The following L2HGDH variants were observed in gnomAD, a reference collection of about 807,000 sequenced individuals.
L2HGDH encodes the protein L-2-hydroxyglutarate dehydrogenase, mitochondrial.
L2HGDH carries 34 observed loss-of-function variants against 51.5 expected under a neutral mutation model. The ratio of observed to expected loss-of-function variants is 0.66; its 90% confidence interval spans 0.50 to 0.88. The LOEUF (loss-of-function observed/expected upper bound fraction) is 0.88. Ranked by LOEUF, L2HGDH falls within the 40% of genes least tolerant of loss-of-function variation. L2HGDH has a pLI of 0.00. For synonymous variants in L2HGDH, 198 were observed against 197.9 expected, an observed-to-expected ratio of 1.00 and a Z score of -0.01; for missense variants, 558 against 571.9, an observed-to-expected ratio of 0.98 and a Z score of 0.25.
chr14:50,285,104 G>A (rs1296463401), intron 4 of L2HGDH, among the ~76,000 whole-genome samples: 2 of 152,110 alleles, frequency 1.3e-5, no homozygotes, highest in East Asian at 1.9e-4. Flanking sequence ...AAAATTAGCC[G>A]AACGTGGTGG....
chr14:50,288,851 A>G, intron 4 of L2HGDH, among the ~76,000 whole-genome samples: 1 of 152,342 alleles, frequency 6.6e-6, no homozygotes, highest in South Asian at 2.1e-4. Context: ...AGCTCATCAG[A>G]GTGCCTTTTC....
chr14:50,286,317 ACCG>A (rs1890563496), intron 4 of L2HGDH, among the ~76,000 whole-genome samples: 1 of 152,188 alleles, frequency 6.6e-6, no homozygotes, highest in Non-Finnish European at 1.5e-5. Context: ...CTCTGGGCAT[ACCG>A]CTTATGGGGT....
At chr14:50,269,618 C>T (rs189500394) in intron 6 of L2HGDH, among the ~76,000 whole-genome samples, 1 of 152,280 alleles carries the variant, frequency 6.6e-6, no homozygotes, top group East Asian at 1.9e-4. Context: ...CACACAAATA[C>T]ATACATACAA....
chr14:50,248,845 G>A lies in L2HGDH; in HGVS notation c.1197-1592C>T, dbSNP rs1888165220. On this transcript the variant is annotated intron_variant, in intron 9 of 9. Coordinates refer to ENST00000267436, the MANE Select transcript of L2HGDH (RefSeq NM_024884.3). The stretch of plus-strand genomic sequence containing the variant: ...CACCGTCACAAGAACCAAAAATCAG[G>A]TGAGCAATCACAGTGGCTGGTTTTG... Among the ~76,000 whole-genome samples, 5 of 152,250 alleles carry A rather than the reference G, an allele frequency of 3.3e-5. No homozygotes were observed. The South Asian group carries it at 1.0e-3, about 32-fold the overall frequency.
chr14:50,281,847 T>TTG lies in L2HGDH; in HGVS notation c.703+2022_703+2023dup, dbSNP rs369007776. On this transcript the variant is annotated intron_variant, in intron 5 of 9. Coordinates refer to ENST00000267436, the MANE Select transcript of L2HGDH (RefSeq NM_024884.3). ...CATTTAGAGATACTTTTTATTTTTT[T>TTG]TGTGTGTGTGTGTGACGGAGTCTCG... 4.5e-4 allele frequency among the ~76,000 whole-genome samples: 68 copies of TTG among 151,648 alleles called. 1 individual carries two copies. Among genetic ancestry groups the TTG allele is most frequent in the Admixed American group, 3.0e-3 (46 of 15,220 alleles).
intron 9 of L2HGDH, among the ~76,000 whole-genome samples, chr14:50,259,985 CAGAGAG>C (rs34001223): frequency 1.3e-3 from 185 of 142,464 alleles, no homozygotes; most frequent in Middle Eastern, 3.5e-3. Context: ...GAGAAGAAGA[CAGAGAG>C]AGAGAGAGAG....
chr14:50,290,109 C>A lies in L2HGDH; in HGVS notation c.540+4006G>T, dbSNP rs1225934936. Among the ~76,000 whole-genome samples, 7 of 151,380 alleles carry A rather than the reference C, an allele frequency of 4.6e-5. No individual in the cohort carries two copies. In the East Asian group the frequency reaches 1.2e-3, roughly 25 times the overall value. On this transcript the variant is annotated intron_variant, in intron 4 of 9. Coordinates refer to ENST00000267436, the MANE Select transcript of L2HGDH (RefSeq NM_024884.3). Reference sequence around the variant, plus strand: ...TGAAACCCTGTCTCTACTAAAAATACAAAAAAAATTAGCCAGGTGTGGTGG... The same window carrying A: ...TGAAACCCTGTCTCTACTAAAAATAAAAAAAAAATTAGCCAGGTGTGGTGG...
At chr14:50,302,496 C>T (rs1450644875) in intron 2 of L2HGDH, among the ~76,000 whole-genome samples, 2 of 152,178 alleles carry the variant, frequency 1.3e-5, no homozygotes, top group Non-Finnish European at 2.9e-5. Context: ...TGCTCAACAT[C>T]ACTAGCGGCA....
At chr14:50,251,810 CCAGA>C (rs1413216517) in intron 9 of L2HGDH, among the ~76,000 whole-genome samples, 1 of 151,758 alleles carries the variant, frequency 6.6e-6, no homozygotes, top group East Asian at 1.9e-4. Context: ...AAATACTTTC[CCAGA>C]CAAAGTTGAG....
At chr14:50,271,133 G>A (rs1052566246) in intron 6 of L2HGDH, among the ~76,000 whole-genome samples, 4 of 152,174 alleles carry the variant, frequency 2.6e-5, no homozygotes, top group Non-Finnish European at 5.9e-5. Context: ...GACTATAGGC[G>A]TGAGCCACCG....
intron 8 of L2HGDH, among the ~76,000 whole-genome samples, chr14:50,266,143 C>T (rs1486218103): frequency 2.2e-5 from 3 of 136,926 alleles, no homozygotes; most frequent in Non-Finnish European, 4.7e-5. Context: ...AACTTTGACT[C>T]AAAAAAAAAA....
At chr14:50,273,436 C>G (rs552999882) in intron 6 of L2HGDH, among the ~76,000 whole-genome samples, 2 of 152,200 alleles carry the variant, frequency 1.3e-5, no homozygotes, top group Non-Finnish European at 2.9e-5. Context: ...TTTTTTACAC[C>G]ATTCACAAAA....
intron 4 of L2HGDH, chr14:50,293,249 G>GT (rs1476153499): frequency 7.1e-6 from 5 of 702,244 alleles, no homozygotes; most frequent in Non-Finnish European, 1.0e-5. Context: ...GAAAATAATG[G>GT]TTTTTTGATA....
intron 5 of L2HGDH, among the ~76,000 whole-genome samples, chr14:50,282,177 T>C (rs1890309278): frequency 6.6e-6 from 1 of 152,110 alleles, no homozygotes; most frequent in Non-Finnish European, 1.5e-5. Context: ...GGGGGCGTGA[T>C]GGTACCGGCA....
chr14:50,312,141 C>A lies in L2HGDH; in HGVS notation c.10G>T (p.Ala4Ser). The change falls in exon 1 of 10, where the codon GCG (alanine) becomes TCG (serine). Residue 4 changes from alanine to serine, a missense_variant. By Grantham distance (99) the Ala-to-Ser change is moderately conservative. Around this residue, in one of 3 missense-constraint regions of L2HGDH, gnomAD observed 194 missense variants for 187.2 expected, o/e 1.04. Coordinates refer to ENST00000267436, the MANE Select transcript of L2HGDH (RefSeq NM_024884.3). MVP[A>S]LRYLVGACGR... Reference sequence around the variant, plus strand: ...CAGGCACCAACCAAATAACGCAGCGCTGGCACCATCCCCTACGCACGCTCC... The same window carrying A: ...CAGGCACCAACCAAATAACGCAGCGATGGCACCATCCCCTACGCACGCTCC... 6.2e-7 allele frequency: 1 copy of A among 1,610,454 alleles called. No individual in the cohort carries two copies. The highest frequency in any genetic ancestry group is 1.1e-5 in the South Asian group (1 of 90,820).
At chr14:50,287,421 C>A (rs919544978) in intron 4 of L2HGDH, 2 of 513,724 alleles carry the variant, frequency 3.9e-6, no homozygotes, top group Non-Finnish European at 5.0e-6. Context: ...TCAAACTCTA[C>A]AATTAAATTA....
At chr14:50,284,302 A>G (rs1001915439) in intron 4 of L2HGDH, among the ~76,000 whole-genome samples, 18 of 152,168 alleles carry the variant, frequency 1.2e-4, no homozygotes, top group African/African-American at 4.1e-4. Context: ...AGTAGTATAT[A>G]CTATGTTGTC....
At position 50,311,207 on chromosome 14, in the gene L2HGDH, G is replaced by T. The variant is rs1052147526; in HGVS notation, c.140+804C>A. The T allele has an allele frequency of 2.3e-4, 89 of 388,664 alleles. 1 individual carries two copies. Among genetic ancestry groups the T allele is most frequent in the South Asian group, 1.7e-3 (87 of 52,496 alleles). The allele number at this position is 388,664 out of a possible 1,614,324, so 24.1% of individuals were successfully genotyped here. On this transcript the variant is annotated intron_variant, in intron 1 of 9. Coordinates refer to ENST00000267436, the MANE Select transcript of L2HGDH (RefSeq NM_024884.3). ...TCCGCCCGCCTCGGCCTCCTAAAGC[G>T]TAGCCTCTTCTTAAAACCCTTTTAA...
chr14:50,255,497 T>C (rs570175849), intron 9 of L2HGDH, among the ~76,000 whole-genome samples: 2 of 145,414 alleles, frequency 1.4e-5, no homozygotes, highest in Admixed American at 7.1e-5. Context: ...GATTGAGCCA[T>C]TGCACTCCAG....
Sources: gnomAD v4.1 joint callset for allele counts (sites outside exome capture counted in the v4.1 genomes callset) on GRCh38, gnomAD v4.1.1 for gene constraint, gnomAD v4.1.1 regional missense constraint, MANE v1.5 for transcripts, NCBI Gene and HGNC (gene_info 2026-07-23, HGNC 2026-07-21) for gene names.